C14orf39: variants seen among roughly 807,000 people sequenced by gnomAD.
C14orf39 encodes the protein chromosome 14 open reading frame 39.
Under a neutral mutation model 85.6 loss-of-function variants are expected in C14orf39, and 66 were observed. The ratio of observed to expected loss-of-function variants is 0.77; its 90% CI spans 0.63 to 0.95. The LOEUF (loss-of-function observed/expected upper bound fraction) is 0.95. C14orf39 is among the 40% of genes least tolerant of loss of function. The probability of loss-of-function intolerance (pLI) is 0.00; values close to 1 mark genes in which losing one functional copy is unlikely to be tolerated. For synonymous variants in C14orf39, 242 were observed against 214.0 expected, an observed-to-expected ratio of 1.13 and a Z score of -1.14; for missense variants, 735 against 663.9, an observed-to-expected ratio of 1.11 and a Z score of -1.18.
rs1892083438 is a variant in C14orf39, at chr14:60,471,619, A to C, written c.444T>G (p.Ile148Met). The C allele has an allele frequency of 6.2e-7, 1 of 1,610,954 alleles. No individual in the cohort carries two copies. Among genetic ancestry groups the C allele is most frequent in the African/African-American group, 1.3e-5 (1 of 74,846 alleles). ...CAGTACATGCCAACACTCTGCTTTGAATTTCTTCATGTTCTCTTTTCTTCT... is the reference window on the plus strand; with the variant it reads ...CAGTACATGCCAACACTCTGCTTTGCATTTCTTCATGTTCTCTTTTCTTCT... ...YYEKKREHEE[I>M]QSRVLACTEQ... Residue 148 changes from isoleucine to methionine, a missense_variant, in exon 6 of 18, where the codon ATT (isoleucine) becomes ATG (methionine). Coordinates refer to ENST00000321731, the MANE Select transcript of C14orf39 (RefSeq NM_174978.3).
chr14:60,511,948 T>C (rs1328788627), intron 1 of C14orf39: 3 of 155,224 alleles, frequency 1.9e-5, no homozygotes, highest in East Asian at 3.8e-4. Context: ...TCCTGGTATA[T>C]GTTTTAAACA....
chr14:60,469,370 T>G (rs964897650), intron 8 of C14orf39, among the ~76,000 whole-genome samples, 163 bp downstream of exon 8: 1 of 148,880 alleles, frequency 6.7e-6, no homozygotes, highest in Non-Finnish European at 1.5e-5. Flanking sequence ...ATTAATATAT[T>G]CAGTACCTAA....
In C14orf39 at chr14:60,453,668, T is replaced by G. The variant is rs1031646100; in HGVS notation, c.1503+1333A>C. On this transcript the variant is annotated intron_variant, in intron 16 of 17. Coordinates refer to ENST00000321731, the MANE Select transcript of C14orf39 (RefSeq NM_174978.3). ...GGGTTGAATTTTTTAGAATTTCGTT[T>G]TAATTTATCATCAATCTTATTTTTC... Among the ~76,000 whole-genome samples the G allele has an allele frequency of 2.6e-5, 4 of 151,970 alleles. No individual in the cohort carries two copies. The East Asian group carries it at 7.7e-4, about 29-fold the overall frequency.
At position 60,461,373 on chromosome 14, in the gene C14orf39, C is replaced by G; in HGVS notation, c.1098G>C (p.Trp366Cys). The change falls in exon 13 of 18, where the codon TGG (tryptophan) becomes TGC (cysteine). Residue 366 changes from tryptophan (W) to cysteine (C), a missense_variant. By Grantham distance (215) the Trp-to-Cys change is radical. Transcript: ENST00000321731. Reference sequence around the variant, plus strand: ...AAATACCTTTATCCCCTTTTTCCGACCACTGATTGGAATTTGATTGTTTCT... The same window carrying G: ...AAATACCTTTATCCCCTTTTTCCGAGCACTGATTGGAATTTGATTGTTTCT... ...TPQKQSNSNQWSEKGDKDAEY... is the reference protein window; with the variant it reads ...TPQKQSNSNQCSEKGDKDAEY... 1 of 1,610,714 alleles carries G rather than the reference C, an allele frequency of 6.2e-7. No homozygotes were observed. Among genetic ancestry groups the G allele is most frequent in the Middle Eastern group, 1.7e-4 (1 of 6,034 alleles).
At position 60,469,573 on chromosome 14, in the gene C14orf39, T is replaced by A. The variant is rs755834475; in HGVS notation, c.635A>T (p.Glu212Val). Reference sequence around the variant, plus strand: ...AATTTCTATTTCCATTTCATCTACTTCTTTCTTCAATTCGGATGAACTTTT... The same window carrying A: ...AATTTCTATTTCCATTTCATCTACTACTTTCTTCAATTCGGATGAACTTTT... The part of the protein sequence containing the change: ...LTKSSSELKK[E>V]VDEMEIEINY... Residue 212 changes from glutamate to valine, a missense_variant, in exon 8 of 18, where the codon GAA (glutamate) becomes GTA (valine). Physicochemically the swap from Glu to Val is moderately radical, Grantham distance 121 (BLOSUM62 -2). Coordinates refer to ENST00000321731, the MANE Select transcript of C14orf39 (RefSeq NM_174978.3). 1 of 1,515,274 alleles carries A rather than the reference T, an allele frequency of 6.6e-7. No individual in the cohort carries two copies. The highest frequency in any genetic ancestry group is 8.9e-7 in the Non-Finnish European group (1 of 1,123,690). 93.9% of individuals were successfully genotyped at this position (1,515,274 alleles called of 1,614,324 possible). A position where few individuals can be genotyped will look rare whatever the true frequency, so the allele number is the denominator to read the frequency against.
At chr14:60,509,822 CT>C in intron 1 of C14orf39, 1 of 1,613,904 alleles carries the variant, frequency 6.2e-7, no homozygotes, top group Non-Finnish European at 8.5e-7. Context: ...CACGCGGCAC[CT>C]GCTACGCGAG....
At chr14:60,493,731 T>C (rs1278253311) in intron 2 of C14orf39, 3 of 152,116 alleles carry the variant, frequency 2.0e-5, no homozygotes, top group African/African-American at 4.8e-5. Context: ...ATCATTTACA[T>C]ATCAGTAAGA....
chr14:60,478,565 A>G (rs1222528399), intron 4 of C14orf39, among the ~76,000 whole-genome samples, 176 bp from the exon 5 acceptor site: 5 of 152,154 alleles, frequency 3.3e-5, no homozygotes, highest in Non-Finnish European at 7.4e-5. Flanking sequence ...ACCTCCATTC[A>G]AGGACTATTA....
chr14:60,439,038 A>AT (rs1193558292), intron 17 of C14orf39, among the ~76,000 whole-genome samples: 1 of 152,212 alleles, frequency 6.6e-6, no homozygotes, highest in East Asian at 1.9e-4. Flanking sequence ...GTATTTTGAC[A>AT]TAGCTAGAAA....
chr14:60,500,228 T>A (rs375108993), intron 1 of C14orf39, among the ~76,000 whole-genome samples: 2 of 152,194 alleles, frequency 1.3e-5, no homozygotes, highest in East Asian at 3.9e-4. Flanking sequence ...GGTTTTACCA[T>A]GTCGGTCAGG....
chr14:60,465,902 CT>C, intron 11 of C14orf39, 76 bp downstream of exon 11: 1 of 640,738 alleles, frequency 1.6e-6, no homozygotes, highest in Non-Finnish European at 2.6e-6. Flanking sequence ...ACGTCTGTGT[CT>C]TAAGGGCAGT....
At chr14:60,459,803 T>C (rs1595459248) in intron 13 of C14orf39, among the ~76,000 whole-genome samples, 1 of 151,806 alleles carries the variant, frequency 6.6e-6, no homozygotes, top group Admixed American at 6.6e-5. Context: ...TATTTTTAAT[T>C]GGGTTGTCTG....
intron 2 of C14orf39, among the ~76,000 whole-genome samples, chr14:60,498,519 C>G (rs921469488): frequency 1.3e-5 from 2 of 152,236 alleles, no homozygotes; most frequent in African/African-American, 4.8e-5. Flanking sequence ...CTCCAATTAT[C>G]TATATCTACA....
rs527402662 is a variant in C14orf39 at position 60,484,568 on chromosome 14, T to C, written c.106+313A>G. Among the ~76,000 whole-genome samples, 2 of 152,256 alleles carry C rather than the reference T, an allele frequency of 1.3e-5. No individual in the cohort carries two copies. Among genetic ancestry groups the C allele is most frequent in the East Asian group, 3.9e-4 (2 of 5,182 alleles). On this transcript the variant is annotated intron_variant, in intron 3 of 17. Coordinates refer to ENST00000321731, the MANE Select transcript of C14orf39 (RefSeq NM_174978.3). The surrounding 1 kb of genome is among the most constrained non-coding windows in gnomAD (Gnocchi z 4.2). ...GTGGTTTCTATAAAGATAAAAAAAA[T>C]TTCACTCAACTATTTGAAATAACTT...
chr14:60,463,805 T>C (rs1026839343), intron 11 of C14orf39, among the ~76,000 whole-genome samples: 7 of 152,114 alleles, frequency 4.6e-5, no homozygotes, highest in Admixed American at 2.6e-4. Flanking sequence ...TTGGTGAATA[T>C]TGCAAATAAA....
At chr14:60,483,909 A>G (rs1316006577) in intron 3 of C14orf39, 92 bp from the exon 4 acceptor site, 2 of 822,370 alleles carry the variant, frequency 2.4e-6, no homozygotes, top group Admixed American at 3.2e-5. Flanking sequence ...CAGCTTACCT[A>G]AAAGGAAGAG....
intron 10 of C14orf39, 96 bp downstream of exon 10, chr14:60,466,821 T>C (rs1126103): frequency 0.2 from 201,869 of 996,914 alleles, 23,130 homozygotes; most frequent in East Asian, 0.5. Flanking sequence ...GTATTGTTTT[T>C]ACTTACACCA....
chr14:60,483,144 A>G (rs866377136), intron 4 of C14orf39, among the ~76,000 whole-genome samples: 7 of 152,338 alleles, frequency 4.6e-5, no homozygotes, highest in Middle Eastern at 3.4e-3. Context: ...AAAATTTTGA[A>G]TAACAAAATA....
chr14:60,452,209 C>T (rs1891072072), intron 16 of C14orf39, among the ~76,000 whole-genome samples: 1 of 149,062 alleles, frequency 6.7e-6, no homozygotes, highest in South Asian at 2.1e-4. Context: ...CTCATGGTAA[C>T]CACAATCGAA....
Sources: gnomAD v4.1 joint callset for allele counts (sites outside exome capture counted in the v4.1 genomes callset) on GRCh38, gnomAD v4.1.1 for gene constraint, Gnocchi (gnomAD v3.1) non-coding constraint, MANE v1.5 for transcripts, NCBI Gene and HGNC (gene_info 2026-07-23, HGNC 2026-07-21) for gene names.